The following LAMA3 variants were observed in gnomAD, a reference collection of about 807,000 sequenced individuals.
The protein encoded by LAMA3 is laminin subunit alpha 3, also known as laminin subunit alpha-3.
A neutral mutation model predicts 402.0 loss-of-function variants in LAMA3; 281 were observed. The ratio of observed to expected loss-of-function variants is 0.70; its 90% confidence interval spans 0.63 to 0.77. The LOEUF is 0.77. Ranked by LOEUF, LAMA3 falls within the 30% of genes least tolerant of loss-of-function variation. The pLI, the probability that LAMA3 is intolerant of heterozygous loss-of-function variation, is 0.00. For missense variants in LAMA3, 3,840 were observed against 4,215.5 expected (o/e 0.91, Z 2.47); for synonymous variants, 1,431 against 1,558.4 (o/e 0.92, Z 1.93).
chr18:23,794,767 A>C (rs913061706), intron 12 of LAMA3, among the ~76,000 whole-genome samples: 1 of 152,180 alleles, frequency 6.6e-6, no homozygotes, highest in Admixed American at 6.5e-5. Flanking sequence ...ATTGTCTAAC[A>C]GTCAGTTGCA....
chr18:23,803,223 T>A (rs1172142595), intron 12 of LAMA3, among the ~76,000 whole-genome samples: 2 of 152,204 alleles, frequency 1.3e-5, no homozygotes, highest in Non-Finnish European at 2.9e-5. Flanking sequence ...GATAGGACAG[T>A]TCAAAGTAAT....
At chr18:23,831,381 T>C (rs945879220) in intron 23 of LAMA3, among the ~76,000 whole-genome samples, 1 of 152,194 alleles carries the variant, frequency 6.6e-6, no homozygotes, top group Non-Finnish European at 1.5e-5. Context: ...CTCTTGGGCT[T>C]GCATTTTATG....
rs374523308 is a variant in LAMA3, at chr18:23,922,455, C to T, written c.8177+870C>T. On this transcript the variant is annotated intron_variant, in intron 62 of 74. Transcript: ENST00000313654. ...GTCCTTATACATGTGGGCGTCTGTCCATTCTACGTAGTCAGGTACTAATCT... is the reference window on the plus strand; with the variant it reads ...GTCCTTATACATGTGGGCGTCTGTCTATTCTACGTAGTCAGGTACTAATCT... Among the ~76,000 whole-genome samples the T allele has an allele frequency of 8.1e-4, 123 of 152,322 alleles. 4 individuals carry two copies. In the South Asian group the frequency reaches 0.024, roughly 30 times the overall value.
At chr18:23,913,748 T>G (rs1388316043) in intron 56 of LAMA3, among the ~76,000 whole-genome samples, 1 of 152,244 alleles carries the variant, frequency 6.6e-6, no homozygotes, top group Non-Finnish European at 1.5e-5. Flanking sequence ...ATGTCATGAT[T>G]TTTTGCTTTG....
chr18:23,750,806 A>C, intron 4 of LAMA3, 112 bp from the exon 5 acceptor site: 2 of 1,127,158 alleles, frequency 1.8e-6, no homozygotes, highest in Non-Finnish European at 2.7e-6. Flanking sequence ...CGAATATCAA[A>C]TGGCTCAAAG....
rs750961222 is a variant in LAMA3 at position 23,950,136 on chromosome 18, T to C, written c.9619T>C (p.Cys3207Arg). Residue 3207 changes from cysteine to arginine, a missense_variant, in exon 72 of 75, where the codon TGT becomes CGT. Cys to Arg is a radical substitution (Grantham distance 180). This residue lies in a region of LAMA3 where 840 missense variants were observed against 981.9 expected (regional missense o/e 0.86). Transcript: ENST00000313654. Reference sequence around the variant, plus strand: ...CGGAAGTCAGCCCGGGAAGCACTTATGTGTTTACCTGGAGGCAGGAAAGGT... The same window carrying C: ...CGGAAGTCAGCCCGGGAAGCACTTACGTGTTTACCTGGAGGCAGGAAAGGT... ...HIGSQPGKHL[C>R]VYLEAGKVTA... is the part of the protein sequence containing the mutation. 63 of 1,614,000 alleles carry C rather than the reference T, an allele frequency of 3.9e-5. No individual in the cohort carries two copies. Among genetic ancestry groups the C allele is most frequent in the Non-Finnish European group, 5.0e-5 (59 of 1,180,034 alleles).
At chr18:23,725,929 T>A (rs1162677099) in intron 2 of LAMA3, among the ~76,000 whole-genome samples, 2 of 152,256 alleles carry the variant, frequency 1.3e-5, no homozygotes, top group African/African-American at 4.8e-5. Context: ...TGACATACTC[T>A]GTTCCATAGG....
chr18:23,929,401 G>A (rs1001567557), intron 64 of LAMA3, among the ~76,000 whole-genome samples: 30 of 152,234 alleles, frequency 2.0e-4, no homozygotes, highest in African/African-American at 7.2e-4. Context: ...TTTTTAAATA[G>A]AAGTAGAGTA....
chr18:23,811,091 G>C lies in LAMA3; in HGVS notation c.1741+588G>C, dbSNP rs116919883. Among the ~76,000 whole-genome samples the C allele has an allele frequency of 4.8e-3, 736 of 152,226 alleles. 11 individuals are homozygous for C. The highest frequency in any genetic ancestry group is 0.034 in the East Asian group (177 of 5,154). ...TGCAGTTTGGAGAGAGTGCACTGAG[G>C]GGGAGATGAAAACCAAGCCTGCAGC... On this transcript the variant is annotated intron_variant, in intron 13 of 74. Transcript: ENST00000313654.
intron 12 of LAMA3, 71 bp from the exon 13 acceptor site, chr18:23,810,295 T>C: frequency 1.3e-6 from 2 of 1,579,562 alleles, no homozygotes; most frequent in South Asian, 2.2e-5. Flanking sequence ...CATGCTCTGC[T>C]CCGGGACGTG....
At chr18:23,813,509 C>T (rs1056246770) in intron 14 of LAMA3, among the ~76,000 whole-genome samples, 1 of 150,568 alleles carries the variant, frequency 6.6e-6, no homozygotes, top group Non-Finnish European at 1.5e-5. Flanking sequence ...AGCACAATAC[C>T]ATGGTATTCT....
At chr18:23,710,133 G>A in intron 1 of LAMA3, 7 of 701,106 alleles carry the variant, frequency 1.0e-5, no homozygotes, top group Non-Finnish European at 1.8e-5. Flanking sequence ...CTCTGGAGTC[G>A]CCGTGTCGTG....
In LAMA3 at chr18:23,928,730, C is replaced by A. The variant is rs769743705; in HGVS notation, c.8401C>A (p.Gln2801Lys). Residue 2801 changes from glutamine to lysine, a missense_variant, in exon 64 of 75, where the codon CAA (glutamine) becomes AAA (lysine). Around this residue, in one of 3 missense-constraint regions of LAMA3, gnomAD observed 840 missense variants for 981.9 expected, o/e 0.86. Coordinates refer to ENST00000313654, the MANE Select transcript of LAMA3 (RefSeq NM_198129.4). ...GGCCTCATTTGGATTTCAGACCTTT[C>A]AACCCAGTGGCATATTATTAGATCA... is the stretch of plus-strand genomic sequence containing the variant. ...LQASFGFQTF[Q>K]PSGILLDHQT... 3 of 1,613,876 alleles carry A rather than the reference C, an allele frequency of 1.9e-6. No individual in the cohort carries two copies. Among genetic ancestry groups the A allele is most frequent in the East Asian group, 4.5e-5 (2 of 44,892 alleles).
chr18:23,889,361 A>C (rs920378037), intron 41 of LAMA3, among the ~76,000 whole-genome samples: 1 of 152,146 alleles, frequency 6.6e-6, no homozygotes. Context: ...CAGAAGTTCA[A>C]GACCAGTCTG....
At chr18:23,834,953 C>CT (rs2063554268) in intron 24 of LAMA3, 1 of 152,308 alleles carries the variant, frequency 6.6e-6, no homozygotes, top group East Asian at 1.9e-4. Context: ...GCTGCGAAGT[C>CT]TTTGTCTTTG....
At chr18:23,744,400 T>C (rs1280794801) in intron 2 of LAMA3, among the ~76,000 whole-genome samples, 2 of 152,184 alleles carry the variant, frequency 1.3e-5, no homozygotes, top group Non-Finnish European at 2.9e-5. Context: ...AGTGGCATGT[T>C]CTAGCTAATT....
chr18:23,952,196 A>C (rs894989566), intron 73 of LAMA3, among the ~76,000 whole-genome samples: 1 of 152,238 alleles, frequency 6.6e-6, no homozygotes, highest in Non-Finnish European at 1.5e-5. Flanking sequence ...GTAAAATGGA[A>C]ATAAAAATAG....
At chr18:23,937,299 G>T (rs1396086166) in intron 67 of LAMA3, among the ~76,000 whole-genome samples, 1 of 150,954 alleles carries the variant, frequency 6.6e-6, no homozygotes, top group Non-Finnish European at 1.5e-5. Flanking sequence ...CCGGGAGGTG[G>T]AGGTTGCAGT....
chr18:23,735,781 G>A (rs2061464619), intron 2 of LAMA3, among the ~76,000 whole-genome samples: 1 of 152,076 alleles, frequency 6.6e-6, no homozygotes, highest in African/African-American at 2.4e-5. Flanking sequence ...GATGGTGAGT[G>A]TGGAGTCTAG....
Sources: allele counts gnomAD v4.1 joint callset (sites outside exome capture counted in the v4.1 genomes callset), GRCh38; gene constraint gnomAD v4.1.1; regional missense constraint gnomAD v4.1.1; transcripts MANE v1.5; gene names NCBI Gene and HGNC (gene_info 2026-07-23, HGNC 2026-07-21).